The following ESRRG variants were observed in gnomAD, a reference collection of about 807,000 sequenced individuals.
The protein encoded by ESRRG is estrogen related receptor gamma.
Under a neutral mutation model 44.0 loss-of-function variants are expected in ESRRG, and 13 were observed. That is an observed-to-expected ratio of 0.30 (90% CI 0.19 to 0.47). The LOEUF (loss-of-function observed/expected upper bound fraction) is 0.47. Among genes scored for constraint, ESRRG ranks in the 20% least tolerant of loss-of-function variants. The probability of loss-of-function intolerance (pLI) is 1.00; values close to 1 mark genes in which losing one functional copy is unlikely to be tolerated. For synonymous variants in ESRRG, 215 were observed against 214.6 expected (o/e 1.00, Z -0.02); for missense variants, 395 against 580.6 (o/e 0.68, Z 3.29).
At chr1:217,114,964 A>G (rs1203824977) in intron 1 of ESRRG, among the ~76,000 whole-genome samples, 1 of 152,092 alleles carries the variant, frequency 6.6e-6, no homozygotes, top group African/African-American at 2.4e-5. Flanking sequence ...CGCCCAGGCA[A>G]GGTTTTTCTA....
chr1:216,910,463 A>T (rs2060180670), intron 2 of ESRRG, among the ~76,000 whole-genome samples: 1 of 152,254 alleles, frequency 6.6e-6, no homozygotes, highest in South Asian at 2.1e-4. Context: ...ACTCCAATGA[A>T]TTAAAGAAAA....
At chr1:217,089,710 G>A (rs1435906281), upstream of ESRRG, 1 of 152,026 alleles carries the variant, frequency 6.6e-6, no homozygotes, top group Non-Finnish European at 1.5e-5. Flanking sequence ...GCAAGGGCAC[G>A]GCCCCCCGCT....
rs191647795 is a variant in ESRRG, at chr1:216,705,798, T to C, written c.56+17446A>G. Among the ~76,000 whole-genome samples, 51 of 152,304 alleles carry C rather than the reference T, an allele frequency of 3.3e-4. No homozygotes were observed. In the East Asian group the frequency reaches 9.4e-3, roughly 28 times the overall value. ...ACTGCCTGCTTTTCAGCCCGAATGT[T>C]CCTCAGAAGAGGCCTACAATGAGCT... On this transcript the variant is annotated intron_variant, in intron 1 of 6. Coordinates refer to ENST00000408911, the MANE Select transcript of ESRRG (RefSeq NM_001438.4).
At chr1:216,948,060 C>T (rs1318647017) in intron 1 of ESRRG, among the ~76,000 whole-genome samples, 1 of 152,136 alleles carries the variant, frequency 6.6e-6, no homozygotes, top group Non-Finnish European at 1.5e-5. Flanking sequence ...TCACCCCAAT[C>T]AGGAATACCC....
At chr1:216,941,688 G>A (rs11117729) in intron 1 of ESRRG, among the ~76,000 whole-genome samples, 5,857 of 152,042 alleles carry the variant, frequency 0.039, 371 homozygotes, top group African/African-American at 0.13. Flanking sequence ...GATAAATCTC[G>A]TTTTAAGTGG....
At chr1:216,802,682 A>C (rs1333501214) in intron 2 of ESRRG, among the ~76,000 whole-genome samples, 1 of 152,142 alleles carries the variant, frequency 6.6e-6, no homozygotes, top group African/African-American at 2.4e-5. Flanking sequence ...TTAGACAGAA[A>C]ATTTCAGATG....
At chr1:216,763,684 G>T (rs1350645196) in intron 2 of ESRRG, among the ~76,000 whole-genome samples, 1 of 152,104 alleles carries the variant, frequency 6.6e-6, no homozygotes, top group Non-Finnish European at 1.5e-5. Context: ...GCAACATTAA[G>T]TTGTTAAAGT....
intron 3 of ESRRG, among the ~76,000 whole-genome samples, chr1:216,645,210 C>A (rs1487827024): frequency 6.6e-6 from 1 of 151,990 alleles, no homozygotes. Flanking sequence ...TTTCTTGCTC[C>A]CCTAGGAAGA....
At chr1:216,833,859 T>C (rs926204713) in intron 2 of ESRRG, among the ~76,000 whole-genome samples, 2 of 152,184 alleles carry the variant, frequency 1.3e-5, no homozygotes, top group African/African-American at 4.8e-5. Flanking sequence ...GGATAGCACA[T>C]ATGTTGAGGC....
intron 5 of ESRRG, among the ~76,000 whole-genome samples, chr1:216,546,957 C>A (rs1299344280): frequency 6.6e-6 from 1 of 151,778 alleles, no homozygotes; most frequent in African/African-American, 2.4e-5. Flanking sequence ...CCTCCCCTAG[C>A]CCCCCATCCC....
intron 2 of ESRRG, among the ~76,000 whole-genome samples, chr1:216,753,633 G>A (rs952102914): frequency 2.0e-5 from 3 of 152,034 alleles, no homozygotes; most frequent in Non-Finnish European, 4.4e-5. Flanking sequence ...TAATAGTTGT[G>A]CAAATACATA....
At chr1:216,779,079 GTTA>G (rs2093722093) in intron 2 of ESRRG, among the ~76,000 whole-genome samples, 1 of 134,998 alleles carries the variant, frequency 7.4e-6, no homozygotes, top group Non-Finnish European at 1.5e-5. Context: ...TTCTATCTCT[GTTA>G]TTATGTGGAG....
At chr1:216,938,235 A>G (rs973260976) in intron 2 of ESRRG, among the ~76,000 whole-genome samples, 2 of 152,216 alleles carry the variant, frequency 1.3e-5, no homozygotes, top group African/African-American at 4.8e-5. Context: ...TGTACAAATC[A>G]TTGCCCCTTC....
intron 2 of ESRRG, among the ~76,000 whole-genome samples, chr1:216,815,676 G>A (rs2095112880): frequency 6.6e-6 from 1 of 152,174 alleles, no homozygotes; most frequent in Non-Finnish European, 1.5e-5. Flanking sequence ...CGAGACATTT[G>A]TGTTCGGTTC....
intron 3 of ESRRG, among the ~76,000 whole-genome samples, chr1:216,628,342 A>C (rs960749635): frequency 6.6e-6 from 1 of 152,026 alleles, no homozygotes; most frequent in Non-Finnish European, 1.5e-5. Flanking sequence ...GCAGACTTGC[A>C]CTCCTGGGCT....
intron 3 of ESRRG, among the ~76,000 whole-genome samples, chr1:216,640,340 C>T (rs190140507): frequency 2.6e-4 from 40 of 152,222 alleles, no homozygotes; most frequent in Non-Finnish European, 5.0e-4. Context: ...AAGCCGCTGA[C>T]CTACTCTCCA....
At chr1:216,542,115 A>AGAGAGAGAGAGAGAGAG (rs1553318458) in intron 5 of ESRRG, among the ~76,000 whole-genome samples, 2 of 149,896 alleles carry the variant, frequency 1.3e-5, no homozygotes, top group Non-Finnish European at 3.0e-5. Flanking sequence ...AGAGAGATAG[A>AGAGAGAGAGAGAGAGAG]ATGTTTTCTG....
At chr1:216,793,599 TGA>T (rs746292422) in intron 2 of ESRRG, among the ~76,000 whole-genome samples, 3 of 152,170 alleles carry the variant, frequency 2.0e-5, no homozygotes, top group Non-Finnish European at 2.9e-5. Context: ...TGCAACCTCA[TGA>T]GAGACCTTGA....
chr1:216,655,621 G>C (rs539240582), intron 2 of ESRRG, among the ~76,000 whole-genome samples: 41 of 152,280 alleles, frequency 2.7e-4, no homozygotes, highest in African/African-American at 9.6e-4. Context: ...AATTGTTTCT[G>C]ATAAACGGGG....
Sources: allele counts gnomAD v4.1 joint callset (sites outside exome capture counted in the v4.1 genomes callset), GRCh38; gene constraint gnomAD v4.1.1; transcripts MANE v1.5; gene names NCBI Gene and HGNC (gene_info 2026-07-23, HGNC 2026-07-21).